Variants in GDI2 observed in about 807,000 individuals in gnomAD.
GDI2 encodes GDP dissociation inhibitor 2, also known as rab GDP dissociation inhibitor beta.
GDI2 carries 22 observed loss-of-function variants against 54.2 expected under a neutral mutation model. That is an observed-to-expected ratio of 0.41 (90% confidence interval 0.29 to 0.58). The LOEUF (loss-of-function observed/expected upper bound fraction) is 0.58, where lower values mean the gene tolerates loss of function less well. Among genes scored for constraint, GDI2 ranks in the 20% least tolerant of loss-of-function variants. GDI2 has a pLI of 0.35. For synonymous variants in GDI2, 177 were observed against 182.1 expected, an observed-to-expected ratio of 0.97 and a Z score of 0.23; for missense variants, 422 against 546.0, an observed-to-expected ratio of 0.77 and a Z score of 2.26.
In GDI2 at chr10:5,768,889, G is replaced by C. The variant is rs1840419611; in HGVS notation, c.820-505C>G. On this transcript the variant is annotated intron_variant, in intron 7 of 10. Coordinates refer to ENST00000380191, the MANE Select transcript of GDI2 (RefSeq NM_001494.4). This position sits in a 1 kb window ranked among gnomAD's most constrained non-coding sequence, Gnocchi z 4.4. Reference sequence around the variant, plus strand: ...ACTCTTAGGAGAAAACAGTGCAAAAGCTTCATGACATTGGAGTTGGCAGTA... The same window carrying C: ...ACTCTTAGGAGAAAACAGTGCAAAACCTTCATGACATTGGAGTTGGCAGTA... 1.3e-5 allele frequency: 2 copies of C among 152,330 alleles called. No individual in the cohort carries two copies. The highest frequency in any genetic ancestry group is 2.9e-5 in the Non-Finnish European group (2 of 68,140). The allele number at this position is 152,330 out of a possible 1,614,324, so 9.4% of individuals were successfully genotyped here.
intron 1 of GDI2, among the ~76,000 whole-genome samples, chr10:5,808,070 C>T (rs1353403899): frequency 1.3e-5 from 2 of 152,196 alleles, no homozygotes; most frequent in Admixed American, 6.5e-5. Flanking sequence ...GGCAAGGTGG[C>T]TCACGCCTGT....
At chr10:5,796,919 A>C in intron 2 of GDI2, 57 bp from the exon 3 acceptor site, 2 of 799,282 alleles carry the variant, frequency 2.5e-6, no homozygotes, top group African/African-American at 1.7e-5. Flanking sequence ...TTTTATTACA[A>C]TATGTACATA....
chr10:5,772,908 A>G (rs979841625), intron 7 of GDI2, among the ~76,000 whole-genome samples: 6 of 152,112 alleles, frequency 3.9e-5, no homozygotes, highest in Non-Finnish European at 7.4e-5. Context: ...TCAGCCATTC[A>G]TTAAACTGTG....
intron 2 of GDI2, among the ~76,000 whole-genome samples, chr10:5,798,481 C>T (rs773544591): frequency 6.6e-6 from 1 of 151,382 alleles, no homozygotes; most frequent in Non-Finnish European, 1.5e-5. Context: ...TCCAGCTACT[C>T]GGGAGGCTGA....
intron 4 of GDI2, among the ~76,000 whole-genome samples, chr10:5,789,970 G>GCC (rs1840975718): frequency 2.0e-5 from 3 of 152,166 alleles, no homozygotes; most frequent in Admixed American, 1.3e-4. Context: ...CACCTCTCCA[G>GCC]TAAATTATCT....
chr10:5,791,857 A>T (rs1038528596), intron 4 of GDI2, among the ~76,000 whole-genome samples: 5 of 152,144 alleles, frequency 3.3e-5, no homozygotes, highest in Admixed American at 6.5e-5. Flanking sequence ...CAGAGGTTGC[A>T]GTGAGCCAAA....
chr10:5,789,826 C>T (rs144703155), intron 4 of GDI2, among the ~76,000 whole-genome samples: 33 of 152,278 alleles, frequency 2.2e-4, no homozygotes, highest in Admixed American at 1.0e-3. Context: ...GTCTTAACTG[C>T]GTAAGATTAA....
In GDI2 at chr10:5,776,173, G is replaced by A. The variant is rs1439465099; in HGVS notation, c.720-2232C>T. 3 of 321,226 alleles carry A rather than the reference G, an allele frequency of 9.3e-6. No individual in the cohort carries two copies. The highest frequency in any genetic ancestry group is 4.2e-5 in the Admixed American group (1 of 23,716). 19.9% of individuals were successfully genotyped at this position (321,226 alleles called of 1,614,324 possible). A position where few individuals can be genotyped will look rare whatever the true frequency, so the allele number is the denominator to read the frequency against. ...CAAAAAGGCTGCGGCATATCCTTCA[G>A]AAGCCGTGAAGCTGACAGTCTGAGC... On this transcript the variant is annotated intron_variant, in intron 6 of 10. Coordinates refer to ENST00000380191, the MANE Select transcript of GDI2 (RefSeq NM_001494.4). The surrounding 1 kb of genome is among the most constrained non-coding windows in gnomAD (Gnocchi z 5.3).
At chr10:5,792,061 A>G (rs1290250455) in intron 4 of GDI2, among the ~76,000 whole-genome samples, 3 of 152,160 alleles carry the variant, frequency 2.0e-5, no homozygotes, top group Non-Finnish European at 4.4e-5. Context: ...AACTAAGGAG[A>G]CTCAAGTATT....
rs139903550 is a variant in GDI2 at position 5,773,927 on chromosome 10, T to A, written c.734A>T (p.Tyr245Phe). Residue 245 changes from tyrosine (Y) to phenylalanine (F), a missense_variant, in exon 7 of 11, where the codon TAT (tyrosine) becomes TTT (phenylalanine). Physicochemically the swap from Tyr to Phe is conservative, Grantham distance 22. Transcript: ENST00000380191. The part of the protein sequence containing the change: ...PQGFARLSAI[Y>F]GGTYMLNKPI... ...TTTATTCAGCATATAGGTACCTCCA[T>A]AAATAGCACTTAGCCTGGAAAATTT... 1 of 1,491,150 alleles carries A rather than the reference T, an allele frequency of 6.7e-7. No individual in the cohort carries two copies. Among genetic ancestry groups the A allele is most frequent in the East Asian group, 2.3e-5 (1 of 44,130 alleles). The allele number at this position is 1,491,150 out of a possible 1,614,324, so 92.4% of individuals were successfully genotyped here.
intron 7 of GDI2, among the ~76,000 whole-genome samples, chr10:5,770,800 T>C (rs1250498421): frequency 4.6e-5 from 7 of 151,724 alleles, no homozygotes; most frequent in Admixed American, 1.3e-4. Flanking sequence ...ACCCCATCTC[T>C]ACTAAAAATA....
Position 5,774,076 on chromosome 10 carries a change from T to G in GDI2, c.720-135A>C. ...TTCTAGAAAGATGTCAGCTTAGAAG[T>G]GATTAAAGCAAGAAAACAGAGTCAA... On this transcript the variant is annotated intron_variant, in intron 6 of 10. Transcript: ENST00000380191. This position sits in a 1 kb window ranked among gnomAD's most constrained non-coding sequence, Gnocchi z 4.8. 3 of 487,884 alleles carry G rather than the reference T, an allele frequency of 6.1e-6. No individual in the cohort carries two copies. The Admixed American group carries it at 1.2e-4, about 20-fold the overall frequency. The allele number at this position is 487,884 out of a possible 1,614,324, so 30.2% of individuals were successfully genotyped here. A position where few individuals can be genotyped will look rare whatever the true frequency, so the allele number is the denominator to read the frequency against.
chr10:5,808,748 C>G (rs1363533048), intron 1 of GDI2, among the ~76,000 whole-genome samples: 3 of 137,260 alleles, frequency 2.2e-5, no homozygotes, highest in Non-Finnish European at 4.7e-5. Context: ...CACACACACA[C>G]AAATGTGATC....
intron 4 of GDI2, among the ~76,000 whole-genome samples, chr10:5,788,401 T>C (rs1393440596): frequency 6.6e-6 from 1 of 152,026 alleles, no homozygotes; most frequent in Non-Finnish European, 1.5e-5. Context: ...CCTTCCTCTT[T>C]CCCCCACAGC....
At chr10:5,786,165 A>ATT (rs35328258) in intron 4 of GDI2, 115 bp from the exon 5 acceptor site, 91,124 of 374,160 alleles carry the variant, frequency 0.24, 4,656 homozygotes, top group Non-Finnish European at 0.25. Flanking sequence ...GCAGGATGCA[A>ATT]TTTTTTTTTT....
At chr10:5,803,974 T>A (rs1841321696) in intron 1 of GDI2, among the ~76,000 whole-genome samples, 1 of 152,208 alleles carries the variant, frequency 6.6e-6, no homozygotes, top group South Asian at 2.1e-4. Context: ...CCCGTATTTT[T>A]AAAATTCACA....
intron 1 of GDI2, among the ~76,000 whole-genome samples, chr10:5,808,726 T>C (rs61832869): frequency 7.2e-6 from 1 of 138,292 alleles, no homozygotes; most frequent in Non-Finnish European, 1.5e-5. Context: ...AAACTACAAA[T>C]ACACACACAC....
intron 1 of GDI2, among the ~76,000 whole-genome samples, chr10:5,811,381 C>T (rs1018831782): frequency 6.6e-6 from 1 of 152,176 alleles, no homozygotes; most frequent in Non-Finnish European, 1.5e-5. Context: ...AAACAAAGCT[C>T]ATTATCTTAA....
At chr10:5,781,485 C>T (rs1210919199) in intron 6 of GDI2, among the ~76,000 whole-genome samples, 2 of 151,698 alleles carry the variant, frequency 1.3e-5, no homozygotes, top group African/African-American at 4.8e-5. Context: ...ATTAGCCGGG[C>T]GCGGTGGCAG....
Sources: allele counts gnomAD v4.1 joint callset (sites outside exome capture counted in the v4.1 genomes callset), GRCh38; gene constraint gnomAD v4.1.1; non-coding constraint Gnocchi (gnomAD v3.1); transcripts MANE v1.5; gene names NCBI Gene and HGNC (gene_info 2026-07-23, HGNC 2026-07-21).